The following GPC5 variants were observed in gnomAD, a reference collection of about 807,000 sequenced individuals.
GPC5 encodes the protein glypican 5.
In GPC5, 47 loss-of-function variants were observed where a neutral mutation model predicts 53.9. That is an observed-to-expected ratio of 0.87 (90% CI 0.69 to 1.11). The LOEUF (loss-of-function observed/expected upper bound fraction) is 1.11, where lower values mean the gene tolerates loss of function less well. Ranked by LOEUF, GPC5 falls within the 50% of genes most tolerant of loss-of-function variation. GPC5 has a pLI of 0.00. For synonymous variants in GPC5, 286 were observed against 263.3 expected, an observed-to-expected ratio of 1.09 and a Z score of -0.84; for missense variants, 748 against 713.1, an observed-to-expected ratio of 1.05 and a Z score of -0.56.
At chr13:92,543,148 C>T (rs947862430) in intron 7 of GPC5, among the ~76,000 whole-genome samples, 11 of 152,048 alleles carry the variant, frequency 7.2e-5, no homozygotes, top group Non-Finnish European at 1.6e-4. Context: ...CTCACAACTC[C>T]TATAGACTTC....
intron 7 of GPC5, among the ~76,000 whole-genome samples, chr13:92,228,025 CT>C (rs1336815878): frequency 5.9e-5 from 9 of 151,772 alleles, no homozygotes; most frequent in Non-Finnish European, 1.0e-4. Flanking sequence ...AATGTATTTA[CT>C]TTTCATAAAG....
At chr13:91,920,139 G>A (rs1324568715) in intron 6 of GPC5, among the ~76,000 whole-genome samples, 5 of 152,002 alleles carry the variant, frequency 3.3e-5, no homozygotes, top group Admixed American at 2.0e-4. Context: ...AAAGAAATGA[G>A]CAAATACAGA....
Position 92,008,211 on chromosome 13 carries a change from C to A in GPC5, c.1401+100154C>A, listed in dbSNP as rs549910266. 1.5e-4 allele frequency among the ~76,000 whole-genome samples: 23 copies of A among 152,006 alleles called. No individual in the cohort carries two copies. The South Asian group carries it at 3.1e-3, about 21-fold the overall frequency. On this transcript the variant is annotated intron_variant, in intron 6 of 7. Coordinates refer to ENST00000377067, the MANE Select transcript of GPC5 (RefSeq NM_004466.6). ...CTGAGTAGCTGGGACTACAGGCGCC[C>A]GCTACCACGCCCGGCTAATTTTTTG...
At chr13:92,815,745 C>T (rs1877451151) in intron 7 of GPC5, among the ~76,000 whole-genome samples, 1 of 151,578 alleles carries the variant, frequency 6.6e-6, no homozygotes, top group African/African-American at 2.4e-5. Context: ...TGGTTTGGGG[C>T]ATATTTGCAA....
chr13:92,842,664 T>C (rs1594543787), intron 7 of GPC5, among the ~76,000 whole-genome samples: 1 of 151,630 alleles, frequency 6.6e-6, no homozygotes, highest in East Asian at 1.9e-4. Flanking sequence ...TGTTTTTTTT[T>C]TTTTTCATAT....
chr13:92,180,982 G>A (rs1308363123), intron 7 of GPC5: 1 of 153,180 alleles, frequency 6.5e-6, no homozygotes, highest in Non-Finnish European at 1.5e-5. Flanking sequence ...AATTGTATAT[G>A]AATTGTCTTA....
intron 7 of GPC5, among the ~76,000 whole-genome samples, chr13:92,642,206 G>C (rs1193072501): frequency 6.6e-6 from 1 of 152,160 alleles, no homozygotes; most frequent in Non-Finnish European, 1.5e-5. Context: ...ACCTACATTA[G>C]GTTGGTGATT....
intron 5 of GPC5, among the ~76,000 whole-genome samples, chr13:91,842,336 A>C (rs918345153): frequency 6.6e-6 from 1 of 150,750 alleles, no homozygotes; most frequent in African/African-American, 2.4e-5. Context: ...AAAATTCTAT[A>C]ATTTGAATTG....
intron 7 of GPC5, among the ~76,000 whole-genome samples, chr13:92,179,672 A>G (rs2042132523): frequency 1.3e-5 from 2 of 152,240 alleles, no homozygotes; most frequent in African/African-American, 2.4e-5. Context: ...ATAATGTTAT[A>G]TTGCCGAATC....
rs547754751 is a variant in GPC5 at position 92,386,961 on chromosome 13, T to C, written c.1561+241972T>C. On this transcript the variant is annotated intron_variant, in intron 7 of 7. Transcript: ENST00000377067. ...AACTCTTTTGGAATTCAATTTCCAGTTTACTCACCTCTGAAGAAGTATGGA... is the reference window on the plus strand; with the variant it reads ...AACTCTTTTGGAATTCAATTTCCAGCTTACTCACCTCTGAAGAAGTATGGA... 1.1e-4 allele frequency among the ~76,000 whole-genome samples: 16 copies of C among 152,200 alleles called. No individual in the cohort carries two copies. The South Asian group carries it at 3.1e-3, about 30-fold the overall frequency.
intron 7 of GPC5, among the ~76,000 whole-genome samples, chr13:92,211,098 T>C (rs1395473629): frequency 6.6e-6 from 1 of 150,514 alleles, no homozygotes; most frequent in Non-Finnish European, 1.5e-5. Flanking sequence ...GCCTCAGACA[T>C]GTAATAAATA....
At chr13:92,097,952 G>A (rs189870237) in intron 6 of GPC5, among the ~76,000 whole-genome samples, 2 of 152,304 alleles carry the variant, frequency 1.3e-5, no homozygotes, top group Admixed American at 1.3e-4. Context: ...TGGATTATGA[G>A]ATTGCTTGAC....
intron 1 of GPC5, among the ~76,000 whole-genome samples, chr13:91,424,425 C>T (rs949444774): frequency 1.7e-4 from 24 of 142,506 alleles, no homozygotes; most frequent in African/African-American, 4.5e-4. Context: ...AGTGCAATGG[C>T]GCGATCTCGG....
intron 2 of GPC5, among the ~76,000 whole-genome samples, chr13:91,645,948 T>C (rs900641811): frequency 2.0e-5 from 3 of 152,230 alleles, no homozygotes; most frequent in Admixed American, 1.3e-4. Context: ...CAGGTGATCA[T>C]TGGCCCAAAT....
rs552991372 is a variant in GPC5, at chr13:92,324,562, AAT to A, written c.1561+179575_1561+179576del. On this transcript the variant is annotated intron_variant, in intron 7 of 7. Transcript: ENST00000377067. ...AGTTTTCATGTTTTAATAACGATAAAATACTTTAAATGTCTGGCTGGCATAAT... is the reference window on the plus strand; with the variant it reads ...AGTTTTCATGTTTTAATAACGATAAAACTTTAAATGTCTGGCTGGCATAAT... 6.1e-4 allele frequency among the ~76,000 whole-genome samples: 92 copies of A among 152,022 alleles called. 1 individual carries two copies. In the South Asian group the frequency reaches 0.011, roughly 17 times the overall value.
intron 6 of GPC5, among the ~76,000 whole-genome samples, chr13:92,064,787 C>A (rs540984832): frequency 6.9e-5 from 5 of 72,384 alleles, no homozygotes; most frequent in African/African-American, 2.2e-4. Context: ...AACTCAGAGG[C>A]AACTGAGTTG....
At chr13:91,429,377 C>G (rs1341845429) in intron 1 of GPC5, among the ~76,000 whole-genome samples, 3 of 151,958 alleles carry the variant, frequency 2.0e-5, no homozygotes, top group African/African-American at 7.3e-5. Flanking sequence ...TCTATGTCCC[C>G]AAGAAGGTGA....
chr13:92,052,142 A>C (rs2041034966), intron 6 of GPC5, among the ~76,000 whole-genome samples: 1 of 152,206 alleles, frequency 6.6e-6, no homozygotes, highest in South Asian at 2.1e-4. Context: ...GCACTCCTGA[A>C]ATCTAATAGT....
At chr13:91,865,603 T>A (rs1335328118) in intron 5 of GPC5, among the ~76,000 whole-genome samples, 1 of 152,162 alleles carries the variant, frequency 6.6e-6, no homozygotes. Context: ...ACATTTTTTT[T>A]AAACTTCTGA....
Sources: allele counts gnomAD v4.1 joint callset (sites outside exome capture counted in the v4.1 genomes callset), GRCh38; gene constraint gnomAD v4.1.1; transcripts MANE v1.5; gene names NCBI Gene and HGNC (gene_info 2026-07-23, HGNC 2026-07-21).